The following ZFAT variants were observed in gnomAD, a reference collection of about 807,000 sequenced individuals.
ZFAT encodes the protein zinc finger and AT-hook domain containing.
In ZFAT, 64 loss-of-function variants were observed where a neutral mutation model predicts 117.7. The ratio of observed to expected loss-of-function variants is 0.54; its 90% CI spans 0.44 to 0.67. The LOEUF (loss-of-function observed/expected upper bound fraction) is 0.67. Among genes scored for constraint, ZFAT ranks in the 30% least tolerant of loss-of-function variants. ZFAT has a pLI of 0.00. For synonymous variants in ZFAT, 679 were observed against 615.0 expected, an observed-to-expected ratio of 1.10 and a Z score of -1.54; for missense variants, 1,433 against 1,584.5, an observed-to-expected ratio of 0.90 and a Z score of 1.62.
chr8:134,636,933 T>TA (rs1830248851), intron 3 of ZFAT, among the ~76,000 whole-genome samples: 1 of 152,204 alleles, frequency 6.6e-6, no homozygotes, highest in Non-Finnish European at 1.5e-5. Flanking sequence ...TGAAATCTAG[T>TA]CCTCAGCCAA....
intron 7 of ZFAT, among the ~76,000 whole-genome samples, chr8:134,592,089 G>A (rs1826551511): frequency 6.6e-6 from 1 of 152,120 alleles, no homozygotes; most frequent in Non-Finnish European, 1.5e-5. Flanking sequence ...GTGTGTTTTG[G>A]GGGAAGTTAA....
At chr8:134,824,710 C>T in the ZFAT span, among the ~76,000 whole-genome samples, 4 of 152,094 alleles carry the variant, frequency 2.6e-5, no homozygotes, top group Non-Finnish European at 5.9e-5. Flanking sequence ...TAGTCATATA[C>T]AGAACTAATC....
chr8:134,507,386 T>G (rs760995571), intron 15 of ZFAT, among the ~76,000 whole-genome samples: 4 of 152,114 alleles, frequency 2.6e-5, no homozygotes, highest in Non-Finnish European at 4.4e-5. Context: ...CTCTCCTCTC[T>G]GTCATTTATC....
intron 1 of ZFAT, among the ~76,000 whole-genome samples, chr8:134,676,153 TTAGA>T (rs1169431428): frequency 2.0e-5 from 3 of 147,492 alleles, no homozygotes; most frequent in Non-Finnish European, 4.5e-5. Flanking sequence ...GACTGGCAAA[TTAGA>T]TAAAGAGTGT....
chr8:134,698,306 G>T (rs1440963439), intron 1 of ZFAT, among the ~76,000 whole-genome samples: 1 of 138,572 alleles, frequency 7.2e-6, no homozygotes, highest in Non-Finnish European at 1.5e-5. Context: ...CCTGGGTGAA[G>T]GAGCGAGACT....
the ZFAT span, among the ~76,000 whole-genome samples, chr8:134,817,103 G>A: frequency 6.6e-6 from 1 of 152,018 alleles, no homozygotes; most frequent in Non-Finnish European, 1.5e-5. Flanking sequence ...CTGCCCAGTT[G>A]ATCAAACACT....
At chr8:134,565,503 T>A in intron 10 of ZFAT, 82 bp from the exon 11 acceptor site, 1 of 1,282,850 alleles carries the variant, frequency 7.8e-7, no homozygotes, top group Non-Finnish European at 1.1e-6. Context: ...TGGAGCCAGG[T>A]ACACAAAGGT....
chr8:134,652,643 C>T (rs1831317044), intron 2 of ZFAT, among the ~76,000 whole-genome samples: 1 of 152,186 alleles, frequency 6.6e-6, no homozygotes. Flanking sequence ...CAGTAATTCA[C>T]AGATGTGTAA....
chr8:134,693,153 C>T (rs761047460), intron 1 of ZFAT, among the ~76,000 whole-genome samples: 37 of 152,166 alleles, frequency 2.4e-4, no homozygotes, highest in Non-Finnish European at 5.1e-4. Context: ...CACCTAGTTC[C>T]CAGATCTCCG....
the ZFAT span, among the ~76,000 whole-genome samples, chr8:134,786,729 C>A: frequency 2.0e-5 from 3 of 151,778 alleles, no homozygotes; most frequent in Non-Finnish European, 2.9e-5. Flanking sequence ...CAACACTAAT[C>A]AAAAAATATC....
the ZFAT span, among the ~76,000 whole-genome samples, chr8:134,831,294 T>C: frequency 6.6e-6 from 1 of 152,252 alleles, no homozygotes; most frequent in Admixed American, 6.5e-5. Context: ...ACAGGATTAA[T>C]GTATTTCCTG....
intron 2 of ZFAT, among the ~76,000 whole-genome samples, chr8:134,643,867 G>A (rs1287682174): frequency 6.6e-6 from 1 of 152,204 alleles, no homozygotes; most frequent in Non-Finnish European, 1.5e-5. Flanking sequence ...CAGGAATGGA[G>A]CCTAAGTCTG....
At chr8:134,592,010 CAG>C (rs75196904) in intron 7 of ZFAT, among the ~76,000 whole-genome samples, 33,088 of 152,074 alleles carry the variant, frequency 0.22, 4,043 homozygotes, top group East Asian at 0.53. Context: ...GGACTCTGCG[CAG>C]ATAGGTGAAT....
chr8:134,722,674 C>G, the ZFAT span, among the ~76,000 whole-genome samples: 1 of 152,172 alleles, frequency 6.6e-6, no homozygotes, highest in African/African-American at 2.4e-5. Flanking sequence ...TAAGGTCACA[C>G]CACAGGATAA....
intron 15 of ZFAT, among the ~76,000 whole-genome samples, chr8:134,484,208 C>T (rs568976865): frequency 6.6e-6 from 1 of 152,208 alleles, no homozygotes; most frequent in African/African-American, 2.4e-5. Flanking sequence ...GCACAGATCT[C>T]CCCAGAAGCA....
chr8:134,752,278 T>C, the ZFAT span, among the ~76,000 whole-genome samples: 3 of 152,194 alleles, frequency 2.0e-5, no homozygotes, highest in Non-Finnish European at 4.4e-5. Context: ...CCAGCCTCTG[T>C]GGCCAAAAGT....
intron 4 of ZFAT, 30 bp downstream of exon 4, chr8:134,610,440 G>C: frequency 6.2e-7 from 1 of 1,601,648 alleles, no homozygotes; most frequent in South Asian, 1.1e-5. Context: ...CAAGGGTCTT[G>C]CCTTTTCCTT....
At chr8:134,510,544 GC>G (rs1294292051) in intron 14 of ZFAT, among the ~76,000 whole-genome samples, 5 of 152,160 alleles carry the variant, frequency 3.3e-5, no homozygotes, top group African/African-American at 1.2e-4. Flanking sequence ...CGTGTCTCAT[GC>G]AGAAGGTAGG....
intron 15 of ZFAT, among the ~76,000 whole-genome samples, chr8:134,492,206 C>T (rs577683957): frequency 6.6e-6 from 1 of 152,180 alleles, no homozygotes; most frequent in Admixed American, 6.5e-5. Context: ...TGTTGCCCAG[C>T]CCTGCATGTG....
Sources: allele counts gnomAD v4.1 joint callset (sites outside exome capture counted in the v4.1 genomes callset), GRCh38; gene constraint gnomAD v4.1.1; transcripts MANE v1.5; gene names NCBI Gene and HGNC (gene_info 2026-07-23, HGNC 2026-07-21).